Variants in UTRN observed in about 807,000 individuals in gnomAD.
UTRN encodes the protein utrophin.
A neutral mutation model predicts 463.9 loss-of-function variants in UTRN; 283 were observed. That is an observed-to-expected ratio of 0.61 (90% CI 0.55 to 0.67). The LOEUF is 0.67. Ranked by LOEUF, UTRN falls within the 30% of genes least tolerant of loss-of-function variation. UTRN has a pLI of 0.00. For synonymous variants in UTRN, 1,442 were observed against 1,431.5 expected (o/e 1.01, Z -0.17); for missense variants, 3,922 against 4,084.3 (o/e 0.96, Z 1.08).
At chr6:144,789,388 C>A in intron 62 of UTRN, 109 bp downstream of exon 62, 4 of 938,386 alleles carry the variant, frequency 4.3e-6, no homozygotes, top group Non-Finnish European at 6.2e-6. Flanking sequence ...AGTTCTCTCT[C>A]TTTTTTTAAC....
In UTRN at chr6:144,404,212, A is replaced by G. The variant is rs12661781; in HGVS notation, c.141+1028A>G. 0.012 allele frequency among the ~76,000 whole-genome samples: 1,839 copies of G among 152,274 alleles called. 71 individuals carry two copies. In the East Asian group the frequency reaches 0.14, roughly 12 times the overall value. ...TATTTTATCTTGCCTGTGAGTATGT[A>G]AGGAACATGAAAACCAACTTTGACA... On this transcript the variant is annotated intron_variant, in intron 3 of 74. Coordinates refer to ENST00000367545, the MANE Select transcript of UTRN (RefSeq NM_007124.3).
At chr6:144,401,537 T>C (rs1435963684) in intron 2 of UTRN, among the ~76,000 whole-genome samples, 1 of 152,174 alleles carries the variant, frequency 6.6e-6, no homozygotes, top group Non-Finnish European at 1.5e-5. Context: ...TGCTGTCCTT[T>C]CTTGAAGGAA....
At chr6:144,817,686 G>T (rs889569311) in intron 65 of UTRN, among the ~76,000 whole-genome samples, 1 of 152,126 alleles carries the variant, frequency 6.6e-6, no homozygotes, top group African/African-American at 2.4e-5. Flanking sequence ...TATCCCAGCT[G>T]AAGAATTACA....
intron 2 of UTRN, among the ~76,000 whole-genome samples, chr6:144,305,939 TC>T (rs1410649472): frequency 6.6e-6 from 1 of 152,252 alleles, no homozygotes; most frequent in African/African-American, 2.4e-5. Context: ...TGTACCATTT[TC>T]TTTTGCCTAT....
At chr6:144,368,745 GC>G (rs766506093) in intron 2 of UTRN, among the ~76,000 whole-genome samples, 38 of 152,036 alleles carry the variant, frequency 2.5e-4, no homozygotes, top group Non-Finnish European at 2.8e-4. Flanking sequence ...TTGCACTCCA[GC>G]CTGGGCAACT....
chr6:144,449,821 G>A lies in UTRN; in HGVS notation c.2072+1052G>A, dbSNP rs1312202002. Among the ~76,000 whole-genome samples the A allele has an allele frequency of 7.9e-5, 12 of 152,174 alleles. 1 individual carries two copies. In the East Asian group the frequency reaches 2.3e-3, roughly 29 times the overall value. On this transcript the variant is annotated intron_variant, in intron 17 of 74. Transcript: ENST00000367545. ...GGTACTAGTTAAGAAGACAGTCTTG[G>A]TTTGAATCCCAGCCTCACCCTTTGT... is the stretch of plus-strand genomic sequence containing the variant.
chr6:144,789,380 T>TTC, intron 62 of UTRN, 101 bp downstream of exon 62: 1 of 1,020,832 alleles, frequency 9.8e-7, no homozygotes, highest in East Asian at 2.7e-5. Context: ...GTAGTAATAG[T>TTC]TCTCTCTCTT....
At chr6:144,495,593 G>A (rs1011936533) in intron 33 of UTRN, among the ~76,000 whole-genome samples, 8 of 152,238 alleles carry the variant, frequency 5.3e-5, no homozygotes, top group African/African-American at 1.9e-4. Flanking sequence ...GGTTCCCACA[G>A]TGCAGCGGTG....
chr6:144,571,798 A>G (rs1212261871), intron 50 of UTRN, among the ~76,000 whole-genome samples: 1 of 151,976 alleles, frequency 6.6e-6, no homozygotes, highest in Non-Finnish European at 1.5e-5. Flanking sequence ...TCCCTCCCAC[A>G]TTTTCCAGTG....
intron 2 of UTRN, chr6:144,311,572 ATTGAT>A (rs1465033988): frequency 1.3e-5 from 2 of 152,242 alleles, no homozygotes; most frequent in African/African-American, 4.8e-5. Flanking sequence ...TGCACAATTA[ATTGAT>A]TTGTTTGTAA....
chr6:144,719,183 G>A (rs1183689067), intron 53 of UTRN, among the ~76,000 whole-genome samples: 1 of 152,072 alleles, frequency 6.6e-6, no homozygotes, highest in Non-Finnish European at 1.5e-5. Flanking sequence ...GCCTCCTGAG[G>A]TTCCACATTT....
At chr6:144,299,651 T>C (rs2473141) in intron 2 of UTRN, among the ~76,000 whole-genome samples, 22,827 of 152,056 alleles carry the variant, frequency 0.15, 2,310 homozygotes, top group African/African-American at 0.28. Flanking sequence ...TTGCTGTGAG[T>C]GTAACATCAC....
chr6:144,808,649 T>G (rs1334228401), intron 65 of UTRN, among the ~76,000 whole-genome samples: 1 of 152,012 alleles, frequency 6.6e-6, no homozygotes, highest in East Asian at 1.9e-4. Flanking sequence ...GTTTATACCC[T>G]TTGACCAGTC....
intron 2 of UTRN, among the ~76,000 whole-genome samples, chr6:144,292,824 G>A (rs951122850): frequency 6.6e-5 from 10 of 152,150 alleles, no homozygotes; most frequent in Non-Finnish European, 8.8e-5. Flanking sequence ...TTTGCTGTGT[G>A]AACCATCTTT....
intron 2 of UTRN, among the ~76,000 whole-genome samples, chr6:144,301,399 T>C (rs17073602): frequency 0.057 from 8,709 of 152,188 alleles, 725 homozygotes; most frequent in East Asian, 0.2. Context: ...GCAGCCTTGT[T>C]GGGCATTTGG....
chr6:144,847,307 G>A (rs571209197), intron 74 of UTRN, among the ~76,000 whole-genome samples: 97 of 152,310 alleles, frequency 6.4e-4, no homozygotes, highest in Non-Finnish European at 1.1e-3. Context: ...ACCAAAAAGT[G>A]TATGAGACAG....
intron 3 of UTRN, among the ~76,000 whole-genome samples, chr6:144,408,133 A>T (rs375629637): frequency 6.6e-6 from 1 of 152,228 alleles, no homozygotes. Context: ...TAGGAATGCA[A>T]AATAAAAACC....
chr6:144,541,852 A>G (rs767133638), intron 45 of UTRN, among the ~76,000 whole-genome samples: 4 of 152,184 alleles, frequency 2.6e-5, no homozygotes, highest in Non-Finnish European at 5.9e-5. Context: ...AGGATGAATA[A>G]GTATTGGTCG....
chr6:144,529,376 G>C (rs560616101), intron 41 of UTRN, among the ~76,000 whole-genome samples: 1 of 152,130 alleles, frequency 6.6e-6, no homozygotes, highest in Admixed American at 6.5e-5. Context: ...ATGTTCCTGC[G>C]GTAGTTCTTG....
Sources: allele counts gnomAD v4.1 joint callset (sites outside exome capture counted in the v4.1 genomes callset), GRCh38; gene constraint gnomAD v4.1.1; transcripts MANE v1.5; gene names NCBI Gene and HGNC (gene_info 2026-07-23, HGNC 2026-07-21).